KICS2: variants seen among roughly 807,000 people sequenced by gnomAD.
KICS2 encodes KICSTOR complex protein C12orf66.
KICS2 carries 13 observed loss-of-function variants against 31.4 expected under a neutral mutation model. The observed-to-expected ratio is 0.41, with a 90% CI of 0.27 to 0.66. The LOEUF (loss-of-function observed/expected upper bound fraction) is 0.66. Ranked by LOEUF, KICS2 falls within the 30% of genes least tolerant of loss-of-function variation. KICS2 has a pLI of 0.28. For synonymous variants in KICS2, 209 were observed against 214.8 expected (o/e 0.97, Z 0.24); for missense variants, 455 against 545.4 (o/e 0.83, Z 1.65).
Position 64,194,526 on chromosome 12 carries a change from A to C in KICS2, c.654T>G (p.Ser218Arg). The change falls in exon 3 of 3, where the codon AGT becomes AGG. Residue 218 changes from serine to arginine, a missense_variant. By Grantham distance (110) the Ser-to-Arg change is moderately radical (BLOSUM62 -1). Coordinates refer to ENST00000398055, the MANE Select transcript of KICS2 (RefSeq NM_152440.5). ...KFLPSLVNLHSAHTKLQTWGQ... is the reference protein window; with the variant it reads ...KFLPSLVNLHRAHTKLQTWGQ... ...CCCACGTCTGCAGTTTGGTGTGCGC[A>C]CTGTGTAAATTAACCAGAGATGGGA... 1.2e-6 allele frequency: 2 copies of C among 1,614,132 alleles called. No homozygotes were observed. The highest frequency in any genetic ancestry group is 1.7e-6 in the Non-Finnish European group (2 of 1,180,026).
intron 2 of KICS2, among the ~76,000 whole-genome samples, chr12:64,196,327 C>G (rs1198614360): frequency 1.3e-4 from 19 of 151,900 alleles, no homozygotes; most frequent in African/African-American, 3.6e-4. Context: ...GAGGCACCCC[C>G]CAGCAGGGGC....
intron 2 of KICS2, among the ~76,000 whole-genome samples, chr12:64,202,611 TATAG>T (rs1464626186): frequency 6.7e-6 from 1 of 148,834 alleles, no homozygotes; most frequent in Non-Finnish European, 1.5e-5. Context: ...TTCTAATATA[TATAG>T]ATATTTTCTA....
chr12:64,191,020 C>T (rs2136684035), downstream of KICS2: 1 of 152,288 alleles, frequency 6.6e-6, no homozygotes. Context: ...CCCAGTTACC[C>T]ATAAAAACTT....
chr12:64,216,606 AC>A (rs1241935810), intron 1 of KICS2, among the ~76,000 whole-genome samples: 2 of 152,228 alleles, frequency 1.3e-5, no homozygotes. Context: ...CAAGGTTGAC[AC>A]TATATGTTAT....
At chr12:64,212,193 T>C (rs369577066) in intron 2 of KICS2, among the ~76,000 whole-genome samples, 4 of 152,174 alleles carry the variant, frequency 2.6e-5, no homozygotes, top group African/African-American at 9.7e-5. Context: ...CCTTTTAAAG[T>C]GTACAATTCA....
downstream of KICS2, chr12:64,187,056 A>T (rs1362646899): frequency 1.3e-5 from 2 of 152,646 alleles, no homozygotes; most frequent in African/African-American, 4.8e-5. Flanking sequence ...CTGAGTCATA[A>T]ATCTCAGACT....
chr12:64,212,493 G>T (rs1012755809), intron 2 of KICS2, among the ~76,000 whole-genome samples: 15 of 152,256 alleles, frequency 9.9e-5, no homozygotes, highest in African/African-American at 3.1e-4. Context: ...CCATGTTGTT[G>T]CATGTGCCAG....
At position 64,215,783 on chromosome 12, in the gene KICS2, A is replaced by C. The variant is rs1409100213; in HGVS notation, c.416T>G (p.Ile139Arg). The change falls in exon 2 of 3, where the codon ATA becomes AGA. Residue 139 changes from isoleucine (I) to arginine (R), a missense_variant. Coordinates refer to ENST00000398055, the MANE Select transcript of KICS2 (RefSeq NM_152440.5). ...GTACATCTTCTCATAGAAGTCTGCT[A>C]TCTCCATCCGAGCCTGAACAAAGAA... Reference protein sequence around the residue: ...LCFFVQARMEIADFYEKMYTL... With the variant: ...LCFFVQARMERADFYEKMYTL... The C allele has an allele frequency of 6.2e-7, 1 of 1,614,100 alleles. No individual in the cohort carries two copies. The highest frequency in any genetic ancestry group is 1.1e-5 in the South Asian group (1 of 91,074).
Position 64,194,252 on chromosome 12 carries a change from C to A in KICS2, c.928G>T (p.Ala310Ser). Residue 310 changes from alanine to serine, a missense_variant, in exon 3 of 3, where the codon GCT (alanine) becomes TCT (serine). Physicochemically the swap from Ala to Ser is moderately conservative, Grantham distance 99. Coordinates refer to ENST00000398055, the MANE Select transcript of KICS2 (RefSeq NM_152440.5). ...TCAAAAATTAAGGACACATTGGCAG[C>A]ATCATATTTTCTGATGAAGCTGGAA... is the stretch of plus-strand genomic sequence containing the variant. ...KISSFIRKYD[A>S]ANVSLIFDNR... 1 of 1,614,190 alleles carries A rather than the reference C, an allele frequency of 6.2e-7. No homozygotes were observed. Among genetic ancestry groups the A allele is most frequent in the Non-Finnish European group, 8.5e-7 (1 of 1,180,036 alleles).
chr12:64,221,786 A>ATC, intron 1 of KICS2: 1 of 622,824 alleles, frequency 1.6e-6, no homozygotes, highest in South Asian at 2.0e-5. Flanking sequence ...TGCAAAGAGC[A>ATC]TCTACCCAGT....
Position 64,211,614 on chromosome 12 carries a change from G to A in KICS2, c.521+4064C>T, listed in dbSNP as rs192950722. Among the ~76,000 whole-genome samples the A allele has an allele frequency of 7.4e-4, 112 of 152,046 alleles. 1 individual carries two copies. Among genetic ancestry groups the A allele is most frequent in the East Asian group, 5.0e-3 (26 of 5,174 alleles). ...AGCCTGGGCAACACGGCAAGACTCC[G>A]TCTTAAAGAAAAAAAAAACCTGCTA... On this transcript the variant is annotated intron_variant, in intron 2 of 2. Coordinates refer to ENST00000398055, the MANE Select transcript of KICS2 (RefSeq NM_152440.5).
rs2037409730 is a variant in KICS2 at position 64,194,197 on chromosome 12, T to C, written c.983A>G (p.His328Arg). 2 of 1,613,986 alleles carry C rather than the reference T, an allele frequency of 1.2e-6. No individual in the cohort carries two copies. The highest frequency in any genetic ancestry group is 1.7e-6 in the Non-Finnish European group (2 of 1,180,038). ...DNRGSESFQG[H>R]GYHHPHSYRE... ...GTAGGAATGGGGGTGGTGATAACCA[T>C]GACCCTGAAAACTCTCAGAACCTCT... The change falls in exon 3 of 3, where the codon CAT becomes CGT. Residue 328 changes from histidine (H) to arginine (R), a missense_variant. Coordinates refer to ENST00000398055, the MANE Select transcript of KICS2 (RefSeq NM_152440.5).
At chr12:64,186,342 A>G (rs566463380), downstream of KICS2, 38 of 152,330 alleles carry the variant, frequency 2.5e-4, no homozygotes, top group African/African-American at 8.9e-4. Context: ...TAATAAGGTA[A>G]CCAATAAGAC....
chr12:64,215,817 G>A lies in KICS2; in HGVS notation c.382C>T (p.Gln128Ter). 5 of 1,614,088 alleles carry A rather than the reference G, an allele frequency of 3.1e-6. No homozygotes were observed. Among genetic ancestry groups the A allele is most frequent in the Non-Finnish European group, 4.2e-6 (5 of 1,180,026 alleles). Reference protein sequence around the residue: ...VEELLSHLSEQLCFFVQARME... With the variant: ...VEELLSHLSE ...CGAGCCTGAACAAAGAAGCAGAGCT[G>A]CTCTGACAGGTGGGAAAGGAGTTCT... The change falls in exon 2 of 3, where the codon CAG (glutamine) becomes TAG (stop). Residue 128 changes from glutamine to a stop codon, truncating the protein, a stop_gained. Transcript: ENST00000398055. LOFTEE classifies it high-confidence loss of function.
At chr12:64,195,360 T>C (rs1457710937) in intron 2 of KICS2, among the ~76,000 whole-genome samples, 1 of 152,220 alleles carries the variant, frequency 6.6e-6, no homozygotes, top group Non-Finnish European at 1.5e-5. Flanking sequence ...AAAACATCTG[T>C]TGAATGTGTA....
intron 2 of KICS2, among the ~76,000 whole-genome samples, chr12:64,205,916 G>A (rs897014751): frequency 2.6e-5 from 4 of 152,232 alleles, no homozygotes; most frequent in Admixed American, 1.3e-4. Context: ...TTTGCACCAC[G>A]GAGTTCTTTC....
chr12:64,195,631 C>T (rs1005826230), intron 2 of KICS2, among the ~76,000 whole-genome samples: 3 of 152,248 alleles, frequency 2.0e-5, no homozygotes, highest in African/African-American at 7.2e-5. Context: ...CTCCGGTCTA[C>T]AGCTCCCAGC....
chr12:64,203,496 G>A (rs1209514510), intron 2 of KICS2, among the ~76,000 whole-genome samples: 3 of 152,216 alleles, frequency 2.0e-5, no homozygotes, highest in Non-Finnish European at 2.9e-5. Flanking sequence ...AAAGGCAGGG[G>A]AAGTACTTGT....
chr12:64,215,719 G>C lies in KICS2; in HGVS notation c.480C>G (p.Leu160=). ...TCATGATGGCATCCAAAAGGCCAACGAGCTCTTCAGCATTGATGAACTTCT... is the reference window on the plus strand; with the variant it reads ...TCATGATGGCATCCAAAAGGCCAACCAGCTCTTCAGCATTGATGAACTTCT... ...STQKFINAEE[L]VGLLDAIMKK... is the part of the protein sequence containing the mutation. Residue 160 remains leucine, a synonymous_variant, in exon 2 of 3, where the codon CTC becomes CTG. Coordinates refer to ENST00000398055, the MANE Select transcript of KICS2 (RefSeq NM_152440.5). 6.2e-7 allele frequency: 1 copy of C among 1,613,758 alleles called. No homozygotes were observed. The highest frequency in any genetic ancestry group is 8.5e-7 in the Non-Finnish European group (1 of 1,179,986).
Sources: gnomAD v4.1 joint callset for allele counts (sites outside exome capture counted in the v4.1 genomes callset) on GRCh38, gnomAD v4.1.1 for gene constraint, MANE v1.5 for transcripts, NCBI Gene and HGNC (gene_info 2026-07-23, HGNC 2026-07-21) for gene names.